PPP3CA: variants seen among roughly 807,000 people sequenced by gnomAD.
PPP3CA encodes the protein CAM-PRP catalytic subunit.
Under a neutral mutation model 66.5 loss-of-function variants are expected in PPP3CA, and 14 were observed. The observed-to-expected ratio is 0.21, with a 90% CI of 0.14 to 0.33. The LOEUF is 0.33. Ranked by LOEUF, PPP3CA falls within the 10% of genes least tolerant of loss-of-function variation. The pLI, the probability that PPP3CA is intolerant of heterozygous loss-of-function variation, is 1.00. For missense variants in PPP3CA, 317 were observed against 639.5 expected, an observed-to-expected ratio of 0.50 and a Z score of 5.44; for synonymous variants, 232 against 226.2, an observed-to-expected ratio of 1.03 and a Z score of -0.23.
At chr4:101,275,283 AGTTGTCACTTCTCATAAAGC>A (rs754145508) in intron 1 of PPP3CA, among the ~76,000 whole-genome samples, 39 of 152,180 alleles carry the variant, frequency 2.6e-4, no homozygotes, top group Non-Finnish European at 5.0e-4. Flanking sequence ...GTCCTGGTTT[AGTTGTCACTTCTCATAAAGC>A]ACCTTCCTGA....
At chr4:101,333,099 CTTTCT>C (rs201521305) in intron 1 of PPP3CA, among the ~76,000 whole-genome samples, 1,753 of 120,386 alleles carry the variant, frequency 0.015, 33 homozygotes, top group African/African-American at 0.051. Flanking sequence ...ATGCCATCTT[CTTTCT>C]TTTTTTTTTT....
intron 1 of PPP3CA, among the ~76,000 whole-genome samples, chr4:101,320,493 TACAC>T (rs147488680): frequency 0.43 from 61,090 of 142,952 alleles, 14,702 homozygotes; most frequent in African/African-American, 0.66. Context: ...TGTGTGTGTA[TACAC>T]ACACACACAC....
At chr4:101,208,660 T>C (rs1158238624) in intron 1 of PPP3CA, among the ~76,000 whole-genome samples, 1 of 152,244 alleles carries the variant, frequency 6.6e-6, no homozygotes, top group Non-Finnish European at 1.5e-5. Context: ...ACAATTTCAA[T>C]ATACTCTCTT....
intron 2 of PPP3CA, among the ~76,000 whole-genome samples, chr4:101,144,099 A>G (rs1301951003): frequency 6.6e-6 from 1 of 152,172 alleles, no homozygotes; most frequent in East Asian, 1.9e-4. Context: ...TGCTGTTGCC[A>G]CTATGTCTGT....
chr4:101,114,693 C>T (rs1012283923), intron 2 of PPP3CA, among the ~76,000 whole-genome samples: 2 of 152,018 alleles, frequency 1.3e-5, no homozygotes, highest in African/African-American at 4.8e-5. Flanking sequence ...GCATAACTGC[C>T]TTTTAATATT....
chr4:101,346,808 G>T lies in PPP3CA; in HGVS notation c.-12C>A, dbSNP rs1434317657. The T allele has an allele frequency of 6.2e-7, 1 of 1,609,346 alleles. No individual in the cohort carries two copies. The highest frequency in any genetic ancestry group is 1.3e-5 in the African/African-American group (1 of 74,822). On this transcript the variant is annotated 5_prime_UTR_variant, in exon 1 of 14. Coordinates refer to ENST00000394854, the MANE Select transcript of PPP3CA (RefSeq NM_000944.5). The stretch of plus-strand genomic sequence containing the variant: ...TTGGGCTCGGACATCTCCAGCTGCC[G>T]GAGGACAGCGACGCGCTGCTCGTCC...
chr4:101,070,497 T>C (rs1728871276), intron 8 of PPP3CA, among the ~76,000 whole-genome samples: 1 of 152,216 alleles, frequency 6.6e-6, no homozygotes, highest in Non-Finnish European at 1.5e-5. Flanking sequence ...CTGCATGAAC[T>C]TGGGCAAATA....
At chr4:101,247,898 T>C (rs112069090) in intron 1 of PPP3CA, among the ~76,000 whole-genome samples, 3 of 151,720 alleles carry the variant, frequency 2.0e-5, no homozygotes, top group East Asian at 1.9e-4. Flanking sequence ...TATATATATA[T>C]ACACACACAC....
chr4:101,045,095 G>A (rs1277672898), intron 10 of PPP3CA, among the ~76,000 whole-genome samples: 2 of 152,206 alleles, frequency 1.3e-5, no homozygotes, highest in African/African-American at 4.8e-5. Flanking sequence ...AATTAGTAGT[G>A]TGCAGAAAGT....
In PPP3CA at chr4:101,169,450, G is replaced by A. The variant is rs530877166; in HGVS notation, c.259+26466C>T. On this transcript the variant is annotated intron_variant, in intron 2 of 13. Transcript: ENST00000394854. ...AGGCTACCATGTCATGAGACGTGTA[G>A]TGCAGACATGCCCAACCACCTGTGG... 3.9e-5 allele frequency among the ~76,000 whole-genome samples: 6 copies of A among 152,284 alleles called. No individual in the cohort carries two copies. In the South Asian group the frequency reaches 1.2e-3, roughly 32 times the overall value.
intron 2 of PPP3CA, among the ~76,000 whole-genome samples, chr4:101,128,074 C>T (rs1005890617): frequency 6.6e-6 from 1 of 152,150 alleles, no homozygotes; most frequent in African/African-American, 2.4e-5. Context: ...GGAAAGGCAT[C>T]CCTCACATAG....
chr4:101,333,270 G>GTT lies in PPP3CA; in HGVS notation c.58+13467_58+13468dup, dbSNP rs70961788. 2.6e-3 allele frequency among the ~76,000 whole-genome samples: 122 copies of GTT among 47,260 alleles called. 27 individuals are homozygous for GTT. The highest frequency in any genetic ancestry group is 4.8e-3 in the Non-Finnish European group (96 of 20,146). 31.0% of individuals were successfully genotyped at this position (47,260 alleles called of 152,430 possible). A position where few individuals can be genotyped will look rare whatever the true frequency, so the allele number is the denominator to read the frequency against. On this transcript the variant is annotated intron_variant, in intron 1 of 13. Coordinates refer to ENST00000394854, the MANE Select transcript of PPP3CA (RefSeq NM_000944.5). ...CTACAGGCATGCACTACCATGCCCA[G>GTT]TTTTTTTTTTTTTTTTTTTTTTTTT...
At chr4:101,278,011 A>G (rs181097203) in intron 1 of PPP3CA, among the ~76,000 whole-genome samples, 1 of 152,056 alleles carries the variant, frequency 6.6e-6, no homozygotes, top group African/African-American at 2.4e-5. Flanking sequence ...TGTTTTTCCC[A>G]GTTCACAACA....
intron 1 of PPP3CA, among the ~76,000 whole-genome samples, chr4:101,287,938 T>C (rs892792615): frequency 6.6e-6 from 1 of 151,258 alleles, no homozygotes; most frequent in African/African-American, 2.5e-5. Context: ...TCCTGCTGCA[T>C]CATACCATTT....
At chr4:101,124,240 C>G (rs561701741) in intron 2 of PPP3CA, among the ~76,000 whole-genome samples, 1 of 152,064 alleles carries the variant, frequency 6.6e-6, no homozygotes, top group African/African-American at 2.4e-5. Flanking sequence ...TTCTTATTTA[C>G]CACTTTTCAC....
At chr4:101,196,239 A>AT (rs1724787957) in intron 1 of PPP3CA, 123 bp from the exon 2 acceptor site, 4 of 870,594 alleles carry the variant, frequency 4.6e-6, no homozygotes, top group Non-Finnish European at 1.7e-6. Flanking sequence ...GAGTGGCTGA[A>AT]TTAAAATATG....
chr4:101,131,070 C>T (rs1013692315), intron 2 of PPP3CA, among the ~76,000 whole-genome samples: 5 of 151,840 alleles, frequency 3.3e-5, no homozygotes, highest in East Asian at 1.9e-4. Context: ...AACCCCGTCT[C>T]TACTAAGAAC....
intron 1 of PPP3CA, among the ~76,000 whole-genome samples, chr4:101,305,488 G>A (rs923711548): frequency 6.6e-6 from 1 of 152,070 alleles, no homozygotes; most frequent in African/African-American, 2.4e-5. Flanking sequence ...TAATCATAAA[G>A]TTTTCTAGAA....
At position 101,025,951 on chromosome 4, in the gene PPP3CA, C is replaced by T. The variant is rs778848431; in HGVS notation, c.1480G>A (p.Ala494Thr). 14 of 1,613,014 alleles carry T rather than the reference C, an allele frequency of 8.7e-6. No homozygotes were observed. Among genetic ancestry groups the T allele is most frequent in the South Asian group, 5.5e-5 (5 of 91,034 alleles). Reference sequence around the variant, plus strand: ...GCCTTGTTGATGGAGTTAAGGTTGGCGTCAGAGGGCATGGCATCTCTGCGA... The same window carrying T: ...GCCTTGTTGATGGAGTTAAGGTTGGTGTCAGAGGGCATGGCATCTCTGCGA... ...PPRRDAMPSD[A>T]NLNSINKALT... Residue 494 changes from alanine to threonine, a missense_variant, in exon 14 of 14, where the codon GCC (alanine) becomes ACC (threonine). By Grantham distance (58) the Ala-to-Thr change is moderately conservative. Around this residue, in one of 3 missense-constraint regions of PPP3CA, gnomAD observed 40 missense variants for 38.6 expected, o/e 1.04. Coordinates refer to ENST00000394854, the MANE Select transcript of PPP3CA (RefSeq NM_000944.5).
Sources: allele counts gnomAD v4.1 joint callset (sites outside exome capture counted in the v4.1 genomes callset), GRCh38; gene constraint gnomAD v4.1.1; regional missense constraint gnomAD v4.1.1; transcripts MANE v1.5; gene names NCBI Gene and HGNC (gene_info 2026-07-23, HGNC 2026-07-21).